The following FRMD5 variants were observed in gnomAD, a reference collection of about 807,000 sequenced individuals.
FRMD5 encodes FERM domain-containing protein 5.
FRMD5 carries 20 observed loss-of-function variants against 69.0 expected under a neutral mutation model. That is an observed-to-expected ratio of 0.29 (90% confidence interval 0.20 to 0.42). The LOEUF (loss-of-function observed/expected upper bound fraction) is 0.42. Among genes scored for constraint, FRMD5 ranks in the 10% least tolerant of loss-of-function variants. The pLI, the probability that FRMD5 is intolerant of heterozygous loss-of-function variation, is 1.00. For synonymous variants in FRMD5, 271 were observed against 260.1 expected (o/e 1.04, Z -0.40); for missense variants, 595 against 708.6 (o/e 0.84, Z 1.82).
chr15:43,883,270 G>C (rs955597622), intron 13 of FRMD5, among the ~76,000 whole-genome samples: 2 of 152,086 alleles, frequency 1.3e-5, no homozygotes, highest in Non-Finnish European at 2.9e-5. Flanking sequence ...GCTAGTTTTT[G>C]TATTTTTAGT....
At chr15:44,180,488 T>TA (rs1595562884) in intron 1 of FRMD5, among the ~76,000 whole-genome samples, 1 of 151,990 alleles carries the variant, frequency 6.6e-6, no homozygotes, top group African/African-American at 2.4e-5. Flanking sequence ...AGAAAGGATG[T>TA]AAAAAAAGAA....
intron 1 of FRMD5, among the ~76,000 whole-genome samples, chr15:44,168,416 T>C (rs1035208847): frequency 6.6e-6 from 1 of 152,204 alleles, no homozygotes; most frequent in Non-Finnish European, 1.5e-5. Context: ...TCATAAGGAT[T>C]AGTGGAAGAA....
At chr15:44,197,256 C>T (rs532103279), upstream of FRMD5, among the ~76,000 whole-genome samples, 1 of 152,028 alleles carries the variant, frequency 6.6e-6, no homozygotes, top group Admixed American at 6.5e-5. Context: ...TTCTACAGCA[C>T]TTAAATCCCA....
chr15:44,105,292 G>A (rs2076700917), intron 1 of FRMD5, among the ~76,000 whole-genome samples: 1 of 151,978 alleles, frequency 6.6e-6, no homozygotes, highest in African/African-American at 2.4e-5. Context: ...GCCTAGGCTG[G>A]TGTCTAACTC....
intron 1 of FRMD5, among the ~76,000 whole-genome samples, chr15:43,956,881 C>A: frequency 6.6e-6 from 1 of 152,136 alleles, no homozygotes; most frequent in African/African-American, 2.4e-5. Context: ...TCTTTTGTCT[C>A]TACAAAGTTG....
chr15:43,936,514 CT>C (rs1373604350), intron 1 of FRMD5, among the ~76,000 whole-genome samples: 3 of 152,120 alleles, frequency 2.0e-5, no homozygotes, highest in Non-Finnish European at 4.4e-5. Flanking sequence ...TGATTAATTA[CT>C]AAATGACTAT....
At chr15:44,127,938 G>A (rs181597228) in intron 1 of FRMD5, among the ~76,000 whole-genome samples, 3 of 152,242 alleles carry the variant, frequency 2.0e-5, no homozygotes, top group East Asian at 1.9e-4. Context: ...TTTTAGTAAC[G>A]TGAAGGAGGC....
chr15:44,133,659 G>A (rs979486248), intron 1 of FRMD5, among the ~76,000 whole-genome samples: 1 of 149,200 alleles, frequency 6.7e-6, no homozygotes, highest in African/African-American at 2.5e-5. Flanking sequence ...TATTTAAAAA[G>A]AAAAAATAAA....
At chr15:44,148,247 C>T (rs116781366) in intron 1 of FRMD5, among the ~76,000 whole-genome samples, 268 of 151,714 alleles carry the variant, frequency 1.8e-3, no homozygotes, top group African/African-American at 6.3e-3. Context: ...TTTTACTATG[C>T]TTTGCTTTCT....
In FRMD5 at chr15:43,916,014, AG is replaced by A. The variant is rs137939750; in HGVS notation, c.329+3444del. 3.2e-3 allele frequency among the ~76,000 whole-genome samples: 493 copies of A among 152,224 alleles called. 2 individuals carry two copies. Among genetic ancestry groups the A allele is most frequent in the African/African-American group, 0.011 (467 of 41,528 alleles). On this transcript the variant is annotated intron_variant, in intron 4 of 13. Coordinates refer to ENST00000417257, the MANE Select transcript of FRMD5 (RefSeq NM_032892.5). Reference sequence around the variant, plus strand: ...CACAGGCTCACAGAATGCCCCAGGGAGGGGGAGGCACAAAGACTGCAAAGCA... The same window carrying A: ...CACAGGCTCACAGAATGCCCCAGGGAGGGGAGGCACAAAGACTGCAAAGCA...
intron 1 of FRMD5, among the ~76,000 whole-genome samples, chr15:44,009,582 G>A (rs1890619382): frequency 6.6e-6 from 1 of 152,210 alleles, no homozygotes; most frequent in African/African-American, 2.4e-5. Context: ...AGCTGGCTGA[G>A]GTGGGAGAAT....
intron 1 of FRMD5, among the ~76,000 whole-genome samples, chr15:43,945,122 T>A (rs1232663224): frequency 6.6e-6 from 1 of 152,022 alleles, no homozygotes; most frequent in Non-Finnish European, 1.5e-5. Context: ...AGATAGGACA[T>A]CTCCTTAATC....
chr15:43,910,349 C>T (rs545646175), intron 4 of FRMD5, among the ~76,000 whole-genome samples: 3 of 152,122 alleles, frequency 2.0e-5, no homozygotes, highest in East Asian at 1.9e-4. Context: ...GGCCTCTCTC[C>T]GCCTTGGATG....
intron 13 of FRMD5, chr15:43,875,804 G>GT (rs34063043): frequency 0.05 from 10,563 of 210,484 alleles, 690 homozygotes; most frequent in Admixed American, 0.067. Flanking sequence ...CCTGGGCCTA[G>GT]TTTTTTTTTT....
At chr15:44,060,008 C>G (rs1364196929) in intron 1 of FRMD5, among the ~76,000 whole-genome samples, 2 of 152,192 alleles carry the variant, frequency 1.3e-5, no homozygotes, top group African/African-American at 4.8e-5. Context: ...TAGGAAAAGC[C>G]TTCTTCCAAT....
intron 1 of FRMD5, among the ~76,000 whole-genome samples, chr15:44,115,819 G>C (rs927823496): frequency 6.6e-6 from 1 of 152,194 alleles, no homozygotes; most frequent in Non-Finnish European, 1.5e-5. Context: ...TACAAAGGTA[G>C]GTGCAGTTTC....
chr15:43,917,479 C>T (rs2089412454), intron 4 of FRMD5, among the ~76,000 whole-genome samples: 1 of 152,208 alleles, frequency 6.6e-6, no homozygotes. Context: ...CAACCTCCAC[C>T]TCACGGGTTC....
chr15:44,123,645 C>A (rs1461318481), intron 1 of FRMD5, among the ~76,000 whole-genome samples: 1 of 151,964 alleles, frequency 6.6e-6, no homozygotes, highest in Non-Finnish European at 1.5e-5. Flanking sequence ...ATTGAGAAAA[C>A]TGACAAAAGT....
At chr15:44,037,005 A>C (rs115483646) in intron 1 of FRMD5, among the ~76,000 whole-genome samples, 2,897 of 151,902 alleles carry the variant, frequency 0.019, 87 homozygotes, top group African/African-American at 0.066. Context: ...TTTTTTTAAT[A>C]CTTTAAGTTC....
Sources: gnomAD v4.1 joint callset for allele counts (sites outside exome capture counted in the v4.1 genomes callset) on GRCh38, gnomAD v4.1.1 for gene constraint, MANE v1.5 for transcripts, NCBI Gene and HGNC (gene_info 2026-07-23, HGNC 2026-07-21) for gene names.